SIPA1L1: variants seen among roughly 807,000 people sequenced by gnomAD.
The protein encoded by SIPA1L1 is signal induced proliferation associated 1 like 1, also known as signal-induced proliferation-associated 1-like protein 1.
In SIPA1L1, 26 loss-of-function variants were observed where a neutral mutation model predicts 162.7. The observed-to-expected ratio is 0.16, with a 90% CI of 0.12 to 0.22. SIPA1L1 has a LOEUF of 0.22. Ranked by LOEUF, SIPA1L1 falls within the 10% of genes least tolerant of loss-of-function variation. The pLI, the probability that SIPA1L1 is intolerant of heterozygous loss-of-function variation, is 1.00. For synonymous variants in SIPA1L1, 829 were observed against 837.4 expected, an observed-to-expected ratio of 0.99 and a Z score of 0.17; for missense variants, 1,874 against 2,241.0, an observed-to-expected ratio of 0.84 and a Z score of 3.31.
At position 71,558,792 on chromosome 14, in the gene SIPA1L1, T is replaced by G. The variant is rs1019403881; in HGVS notation, c.-302-28779T>G. ...TCAAACCTCCAGGGTCAACCAAGTCTCCTACCTGAGCCTCCTAAATAGCTG... is the reference window on the plus strand; with the variant it reads ...TCAAACCTCCAGGGTCAACCAAGTCGCCTACCTGAGCCTCCTAAATAGCTG... On this transcript the variant is annotated intron_variant, in intron 4 of 23. Coordinates refer to ENST00000381232, the MANE Select transcript of SIPA1L1 (RefSeq NM_001386936.1). Among the ~76,000 whole-genome samples the G allele has an allele frequency of 5.9e-5, 9 of 152,108 alleles. 1 individual carries two copies. The highest frequency in any genetic ancestry group is 2.2e-4 in the African/African-American group (9 of 41,416).
intron 7 of SIPA1L1, among the ~76,000 whole-genome samples, chr14:71,645,877 C>CAATGAAACAA (rs1469971058): frequency 1.3e-5 from 2 of 152,232 alleles, no homozygotes; most frequent in Non-Finnish European, 2.9e-5. Context: ...ACTTCAAGAA[C>CAATGAAACAA]TGTTGCACAA....
At chr14:71,733,541 C>T in intron 20 of SIPA1L1, 125 bp from the exon 21 acceptor site, 2 of 980,898 alleles carry the variant, frequency 2.0e-6, no homozygotes, top group South Asian at 1.6e-5. Context: ...TAACAGCCTG[C>T]TAACCTGGAC....
intron 2 of SIPA1L1, among the ~76,000 whole-genome samples, chr14:71,356,567 C>CAAAAAAGAAAAAAAAAAAA (rs2037268199): frequency 2.6e-5 from 1 of 39,172 alleles, no homozygotes; most frequent in Non-Finnish European, 4.3e-5. Context: ...CTTGTCTCTA[C>CAAAAAAGAAAAAAAAAAAA]AAAAAAAAAA....
At chr14:71,676,072 C>T (rs2045139396) in intron 12 of SIPA1L1, among the ~76,000 whole-genome samples, 1 of 135,148 alleles carries the variant, frequency 7.4e-6, no homozygotes. Flanking sequence ...GCCTGAGCAA[C>T]ATGGTGAGGC....
At chr14:71,385,564 AAAAAG>A (rs1381371362) in intron 2 of SIPA1L1, among the ~76,000 whole-genome samples, 2 of 152,130 alleles carry the variant, frequency 1.3e-5, no homozygotes, top group Admixed American at 6.5e-5. Context: ...AAGACAAAGT[AAAAAG>A]AAAAGTGAAT....
At chr14:71,550,671 C>T (rs1459351849) in intron 4 of SIPA1L1, among the ~76,000 whole-genome samples, 1 of 152,100 alleles carries the variant, frequency 6.6e-6, no homozygotes, top group Non-Finnish European at 1.5e-5. Flanking sequence ...CTGTATGCCT[C>T]TCTTGTTCCT....
At chr14:71,542,271 T>TTCCTCTTCCTC (rs1008743485) in intron 4 of SIPA1L1, among the ~76,000 whole-genome samples, 80 of 139,866 alleles carry the variant, frequency 5.7e-4, no homozygotes, top group Non-Finnish European at 1.0e-3. Context: ...CTTCTTCTTC[T>TTCCTCTTCCTC]TCCTCTTCCT....
rs549866242 is a variant in SIPA1L1 at position 71,495,674 on chromosome 14, G to A, written c.-464-17069G>A. On this transcript the variant is annotated intron_variant, in intron 2 of 23. Coordinates refer to ENST00000381232, the MANE Select transcript of SIPA1L1 (RefSeq NM_001386936.1). ...TTAACTTCTTTCTTTTGGCTTGCTTGGGGTTACTTTACTGTTTAGTTTCTT... is the reference window on the plus strand; with the variant it reads ...TTAACTTCTTTCTTTTGGCTTGCTTAGGGTTACTTTACTGTTTAGTTTCTT... 5.9e-5 allele frequency among the ~76,000 whole-genome samples: 9 copies of A among 151,418 alleles called. No homozygotes were observed. The South Asian group carries it at 1.9e-3, about 31-fold the overall frequency.
At chr14:71,468,638 G>C (rs1200466902) in intron 2 of SIPA1L1, among the ~76,000 whole-genome samples, 1 of 152,178 alleles carries the variant, frequency 6.6e-6, no homozygotes, top group African/African-American at 2.4e-5. Context: ...TGGAGTACTT[G>C]CTTTCTAGTG....
intron 17 of SIPA1L1, among the ~76,000 whole-genome samples, chr14:71,712,176 C>CT (rs1259041022): frequency 6.6e-6 from 1 of 152,196 alleles, no homozygotes; most frequent in Non-Finnish European, 1.5e-5. Context: ...GTGACAAAGT[C>CT]TAAATTACAG....
Position 71,658,445 on chromosome 14 carries a change from T to G in SIPA1L1, c.2097+9T>G. On this transcript the variant is annotated intron_variant, in intron 9 of 23. Transcript: ENST00000381232. ...CCAACAACAAACAACAGGTAAGAGA[T>G]CCTCCTGTTATCTGTGTTTTCACCC... 1 of 1,467,946 alleles carries G rather than the reference T, an allele frequency of 6.8e-7. No homozygotes were observed. The highest frequency in any genetic ancestry group is 9.6e-7 in the Non-Finnish European group (1 of 1,046,798). The allele number at this position is 1,467,946 out of a possible 1,614,324, so 90.9% of individuals were successfully genotyped here. A position where few individuals can be genotyped will look rare whatever the true frequency, so the allele number is the denominator to read the frequency against.
rs528340049 is a variant in SIPA1L1, at chr14:71,577,671, G to A, written c.-302-9900G>A. ...TGGGATTACAGGTGTGAGCCATTGC[G>A]CCCAGCTGCACTTTGTGTTATACAC... On this transcript the variant is annotated intron_variant, in intron 4 of 23. Coordinates refer to ENST00000381232, the MANE Select transcript of SIPA1L1 (RefSeq NM_001386936.1). Among the ~76,000 whole-genome samples the A allele has an allele frequency of 3.3e-5, 5 of 149,786 alleles. 1 individual carries two copies. The highest frequency in any genetic ancestry group is 4.3e-4 in the South Asian group (2 of 4,694).
chr14:71,570,730 T>G (rs925534391), intron 4 of SIPA1L1, among the ~76,000 whole-genome samples: 1 of 152,102 alleles, frequency 6.6e-6, no homozygotes, highest in Admixed American at 6.5e-5. Flanking sequence ...CATAAAAAAT[T>G]AGTTTATTAG....
chr14:71,456,139 T>C (rs1256243565), intron 2 of SIPA1L1, among the ~76,000 whole-genome samples: 2 of 152,258 alleles, frequency 1.3e-5, no homozygotes, highest in Non-Finnish European at 2.9e-5. Flanking sequence ...TGTTGAGATA[T>C]TTCTTTTACT....
intron 12 of SIPA1L1, among the ~76,000 whole-genome samples, chr14:71,674,182 C>T (rs187131501): frequency 2.3e-4 from 35 of 152,286 alleles, no homozygotes; most frequent in Non-Finnish European, 2.1e-4. Context: ...ATATGGAGCC[C>T]TTGACCTTAT....
chr14:71,419,529 C>T (rs1219349307), intron 2 of SIPA1L1, among the ~76,000 whole-genome samples: 4 of 122,836 alleles, frequency 3.3e-5, no homozygotes, highest in African/African-American at 3.2e-5. Flanking sequence ...CTCGCTCTGT[C>T]GCCCAGGCCG....
At chr14:71,483,217 C>T (rs920243369) in intron 2 of SIPA1L1, among the ~76,000 whole-genome samples, 1 of 152,152 alleles carries the variant, frequency 6.6e-6, no homozygotes, top group African/African-American at 2.4e-5. Context: ...CCACACCATG[C>T]AGAAAAATTA....
intron 13 of SIPA1L1, among the ~76,000 whole-genome samples, chr14:71,689,154 G>A (rs1225057090): frequency 6.6e-6 from 1 of 152,136 alleles, no homozygotes; most frequent in Non-Finnish European, 1.5e-5. Context: ...TCAAGGTCAG[G>A]ATTTTTATGA....
intron 4 of SIPA1L1, among the ~76,000 whole-genome samples, chr14:71,534,802 A>T (rs1288263470): frequency 4.6e-5 from 7 of 152,236 alleles, no homozygotes; most frequent in Non-Finnish European, 8.8e-5. Context: ...ATGTACATTC[A>T]TCTGTTCTGC....
Sources: gnomAD v4.1 joint callset for allele counts (sites outside exome capture counted in the v4.1 genomes callset) on GRCh38, gnomAD v4.1.1 for gene constraint, MANE v1.5 for transcripts, NCBI Gene and HGNC (gene_info 2026-07-23, HGNC 2026-07-21) for gene names.